Variants in DIP2C observed in about 807,000 individuals in gnomAD.
DIP2C encodes the protein DIP2 acetate--CoA ligase C (putative).
DIP2C carries 33 observed loss-of-function variants against 192.4 expected under a neutral mutation model. The ratio of observed to expected loss-of-function variants is 0.17; its 90% CI spans 0.13 to 0.23. DIP2C has a LOEUF of 0.23. Ranked by LOEUF, DIP2C falls within the 10% of genes least tolerant of loss-of-function variation. The pLI, the probability that DIP2C is intolerant of heterozygous loss-of-function variation, is 1.00. For synonymous variants in DIP2C, 979 were observed against 864.1 expected (o/e 1.13, Z -2.33); for missense variants, 1,537 against 2,110.1 (o/e 0.73, Z 5.32).
intron 1 of DIP2C, among the ~76,000 whole-genome samples, chr10:591,935 A>G (rs1366175613): frequency 2.0e-5 from 3 of 152,212 alleles, no homozygotes; most frequent in Admixed American, 2.0e-4. Flanking sequence ...GAAAGTCTCC[A>G]TGTGCTTTAC....
At chr10:521,066 C>T (rs985382962) in intron 1 of DIP2C, among the ~76,000 whole-genome samples, 4 of 152,172 alleles carry the variant, frequency 2.6e-5, no homozygotes, top group African/African-American at 9.7e-5. Flanking sequence ...AAATCCTGGA[C>T]TTTTGGATAT....
chr10:333,988 T>C (rs1957626456), intron 29 of DIP2C, among the ~76,000 whole-genome samples: 1 of 152,162 alleles, frequency 6.6e-6, no homozygotes, highest in Non-Finnish European at 1.5e-5. Context: ...CGTGTTTATG[T>C]TGCTTGTTTC....
intron 1 of DIP2C, among the ~76,000 whole-genome samples, chr10:532,535 G>C (rs1332750708): frequency 1.5e-5 from 2 of 132,254 alleles, no homozygotes; most frequent in Admixed American, 7.6e-5. Context: ...GTGTGAGAGA[G>C]TATGGGTGTG....
chr10:432,402 A>C (rs915942373), intron 4 of DIP2C, among the ~76,000 whole-genome samples: 1 of 152,176 alleles, frequency 6.6e-6, no homozygotes, highest in African/African-American at 2.4e-5. Context: ...CCTCCTGTTC[A>C]AATTTTGGCA....
At chr10:328,256 C>T (rs905734594) in intron 30 of DIP2C, among the ~76,000 whole-genome samples, 1 of 152,184 alleles carries the variant, frequency 6.6e-6, no homozygotes, top group South Asian at 2.1e-4. Flanking sequence ...TATTCACACG[C>T]GCGCACGTCT....
intron 3 of DIP2C, among the ~76,000 whole-genome samples, chr10:456,406 AGGCTGTG>A (rs1969300691): frequency 3.4e-5 from 5 of 145,206 alleles, no homozygotes; most frequent in Admixed American, 3.4e-4. Flanking sequence ...GCCTGAGGGG[AGGCTGTG>A]AGGAGTAAAT....
chr10:635,930 A>G (rs1002633533), intron 1 of DIP2C, among the ~76,000 whole-genome samples: 3 of 152,148 alleles, frequency 2.0e-5, no homozygotes, highest in Non-Finnish European at 4.4e-5. Flanking sequence ...CTGACAGACG[A>G]TCATCGAGAT....
chr10:414,437 C>A (rs771772887), intron 7 of DIP2C, among the ~76,000 whole-genome samples: 19 of 152,122 alleles, frequency 1.2e-4, no homozygotes, highest in Non-Finnish European at 2.6e-4. Flanking sequence ...ATTTCCATTA[C>A]CAACATCAGC....
intron 1 of DIP2C, among the ~76,000 whole-genome samples, chr10:509,191 C>G (rs1845841563): frequency 6.6e-6 from 1 of 152,156 alleles, no homozygotes. Context: ...TCCCTGGTGG[C>G]ACGCGTGGAT....
chr10:575,828 G>A lies in DIP2C; in HGVS notation c.86-89298C>T, dbSNP rs112812366. Among the ~76,000 whole-genome samples the A allele has an allele frequency of 4.2e-4, 64 of 152,334 alleles. 1 individual carries two copies. Among genetic ancestry groups the A allele is most frequent in the African/African-American group, 1.4e-3 (58 of 41,572 alleles). On this transcript the variant is annotated intron_variant, in intron 1 of 36. Transcript: ENST00000280886. ...CTAGGAAGCGCAAGGAGCCAAAGAA[G>A]AGTCAATTTAGGGTCATTTTCAGAA...
In DIP2C at chr10:651,709, G is replaced by A. The variant is rs1018130326; in HGVS notation, c.85+37785C>T. 8.6e-6 allele frequency: 3 copies of A among 347,970 alleles called. No homozygotes were observed. Among genetic ancestry groups the A allele is most frequent in the African/African-American group, 4.3e-5 (2 of 46,672 alleles). 21.6% of individuals were successfully genotyped at this position (347,970 alleles called of 1,614,324 possible). On this transcript the variant is annotated intron_variant, in intron 1 of 36. Coordinates refer to ENST00000280886, the MANE Select transcript of DIP2C (RefSeq NM_014974.3). This position sits in a 1 kb window ranked among gnomAD's most constrained non-coding sequence, Gnocchi z 4.1. ...CCAAAATCTGGACTTTTGCTAAATG[G>A]TGCCCTTAGCACAGGAGTCTCTCCA...
At chr10:662,496 C>T (rs1588713392) in intron 1 of DIP2C, among the ~76,000 whole-genome samples, 1 of 152,190 alleles carries the variant, frequency 6.6e-6, no homozygotes, top group South Asian at 2.1e-4. Flanking sequence ...GAGCTGAACG[C>T]TAATCATGAA....
At chr10:493,849 G>A (rs1417779012) in intron 1 of DIP2C, among the ~76,000 whole-genome samples, 1 of 152,208 alleles carries the variant, frequency 6.6e-6, no homozygotes, top group African/African-American at 2.4e-5. Context: ...CAGCAAGTCC[G>A]AGATGCCCAA....
intron 1 of DIP2C, among the ~76,000 whole-genome samples, chr10:622,262 G>T (rs897897623): frequency 7.5e-6 from 1 of 133,114 alleles, no homozygotes; most frequent in Non-Finnish European, 1.6e-5. Flanking sequence ...ATGGTAGGGG[G>T]AGGGAGGAGG....
chr10:406,681 G>A (rs1964827707), intron 9 of DIP2C, among the ~76,000 whole-genome samples: 1 of 152,022 alleles, frequency 6.6e-6, no homozygotes, highest in Non-Finnish European at 1.5e-5. Flanking sequence ...TCTTGCTTGG[G>A]GACCAGTCTG....
At chr10:572,965 T>C (rs2131536170) in intron 1 of DIP2C, among the ~76,000 whole-genome samples, 1 of 152,178 alleles carries the variant, frequency 6.6e-6, no homozygotes, top group African/African-American at 2.4e-5. Flanking sequence ...CTGAATATCC[T>C]ACAAAGGACA....
chr10:577,398 TTC>T (rs1433068382), intron 1 of DIP2C, among the ~76,000 whole-genome samples: 4 of 152,238 alleles, frequency 2.6e-5, no homozygotes, highest in African/African-American at 9.6e-5. Context: ...TCAGTACCCT[TTC>T]TATGTGGCCG....
At chr10:333,931 CA>C (rs1957620433) in intron 29 of DIP2C, among the ~76,000 whole-genome samples, 1 of 152,110 alleles carries the variant, frequency 6.6e-6, no homozygotes, top group Non-Finnish European at 1.5e-5. Context: ...CCTTATTGGC[CA>C]TTTGTATGTC....
intron 31 of DIP2C, among the ~76,000 whole-genome samples, chr10:310,990 A>C (rs1334261391): frequency 1.3e-5 from 2 of 152,110 alleles, no homozygotes; most frequent in African/African-American, 4.8e-5. Flanking sequence ...TTTTGTACTA[A>C]AGGCACAAAA....
Sources: gnomAD v4.1 joint callset for allele counts (sites outside exome capture counted in the v4.1 genomes callset) on GRCh38, gnomAD v4.1.1 for gene constraint, Gnocchi (gnomAD v3.1) non-coding constraint, MANE v1.5 for transcripts, NCBI Gene and HGNC (gene_info 2026-07-23, HGNC 2026-07-21) for gene names.